The following KIF21A variants were observed in gnomAD, a reference collection of about 807,000 sequenced individuals.
KIF21A encodes kinesin family member 21A.
A neutral mutation model predicts 202.9 loss-of-function variants in KIF21A; 114 were observed. The ratio of observed to expected loss-of-function variants is 0.56; its 90% CI spans 0.48 to 0.66. The LOEUF (loss-of-function observed/expected upper bound fraction) is 0.66. Among genes scored for constraint, KIF21A ranks in the 30% least tolerant of loss-of-function variants. The pLI, the probability that KIF21A is intolerant of heterozygous loss-of-function variation, is 0.00. For synonymous variants in KIF21A, 667 were observed against 670.8 expected (o/e 0.99, Z 0.09); for missense variants, 1,677 against 1,994.9 (o/e 0.84, Z 3.04).
chr12:39,349,487 G>A (rs1351308969), intron 11 of KIF21A, among the ~76,000 whole-genome samples: 1 of 152,030 alleles, frequency 6.6e-6, no homozygotes, highest in East Asian at 1.9e-4. Context: ...CCAAACAGGA[G>A]CTATCACTTC....
At chr12:39,318,242 G>C (rs758487867) in intron 28 of KIF21A, 41 bp from the exon 29 acceptor site, 3 of 1,590,382 alleles carry the variant, frequency 1.9e-6, no homozygotes, top group East Asian at 2.3e-5. Context: ...GCTTTAATTG[G>C]TTATGATTTG....
intron 1 of KIF21A, among the ~76,000 whole-genome samples, chr12:39,384,061 G>A (rs1314149232): frequency 2.0e-5 from 3 of 152,112 alleles, no homozygotes; most frequent in Non-Finnish European, 4.4e-5. Context: ...ATCAGCCCAA[G>A]TAAGAACAGG....
chr12:39,366,587 C>T (rs533122162), intron 5 of KIF21A, 70 bp from the exon 6 acceptor site: 87 of 1,184,366 alleles, frequency 7.3e-5, no homozygotes, highest in Non-Finnish European at 9.6e-5. Flanking sequence ...ACCTACCTTG[C>T]GCTTATCCCA....
chr12:39,357,491 G>A (rs1365563015), intron 8 of KIF21A, 54 bp from the exon 9 acceptor site: 2 of 1,464,290 alleles, frequency 1.4e-6, no homozygotes, highest in Non-Finnish European at 1.9e-6. Flanking sequence ...AAACACAAGA[G>A]TTTTGCTTAA....
chr12:39,434,655 T>C (rs922614493), intron 1 of KIF21A, among the ~76,000 whole-genome samples: 1 of 152,206 alleles, frequency 6.6e-6, no homozygotes, highest in Non-Finnish European at 1.5e-5. Context: ...ATTACTTTAA[T>C]GCCTCCAGCT....
chr12:39,419,402 A>G (rs978818874), intron 1 of KIF21A, among the ~76,000 whole-genome samples: 2 of 152,196 alleles, frequency 1.3e-5, no homozygotes, highest in Admixed American at 1.3e-4. Context: ...TTCCATTCCT[A>G]TAGTGTAAAC....
chr12:39,382,760 A>C (rs912197852), intron 1 of KIF21A, among the ~76,000 whole-genome samples: 8 of 152,134 alleles, frequency 5.3e-5, no homozygotes, highest in African/African-American at 1.2e-4. Context: ...CCCCCCTCCC[A>C]AAAAAACAAT....
chr12:39,331,917 T>G (rs1295170991), intron 21 of KIF21A, 126 bp from the exon 22 acceptor site: 2 of 778,824 alleles, frequency 2.6e-6, no homozygotes, highest in Non-Finnish European at 4.5e-6. Flanking sequence ...ATAAGTGCAA[T>G]ATATGATCAT....
intron 1 of KIF21A, among the ~76,000 whole-genome samples, chr12:39,407,467 A>C (rs192238152): frequency 6.6e-6 from 1 of 152,320 alleles, no homozygotes; most frequent in East Asian, 1.9e-4. Context: ...ACTGTCAAAG[A>C]CATTAACAAC....
chr12:39,343,268 G>A (rs1440996300), intron 12 of KIF21A, among the ~76,000 whole-genome samples: 2 of 152,040 alleles, frequency 1.3e-5, no homozygotes, highest in African/African-American at 2.4e-5. Flanking sequence ...GCTGGGGCAG[G>A]AGAATCGCTT....
In KIF21A at chr12:39,304,837, T is replaced by C; in HGVS notation, c.4544A>G (p.Lys1515Arg). Reference protein sequence around the residue: ...SGQDLIITGSKDHYIKMFDVT... With the variant: ...SGQDLIITGSRDHYIKMFDVT... ...TATACATACTTTGATGTAATGATCC[T>C]TGGAGCCAGTGATGATTAGATCTTG... The change falls in exon 35 of 38, where the codon AAG (lysine) becomes AGG (arginine). Residue 1515 changes from lysine to arginine, a missense_variant. Physicochemically the swap from Lys to Arg is conservative, Grantham distance 26. Coordinates refer to ENST00000361418, the MANE Select transcript of KIF21A (RefSeq NM_001173464.2). 6.4e-7 allele frequency: 1 copy of C among 1,558,650 alleles called. No homozygotes were observed. The highest frequency in any genetic ancestry group is 1.7e-5 in the Admixed American group (1 of 59,814).
intron 7 of KIF21A, among the ~76,000 whole-genome samples, chr12:39,362,630 G>A (rs1489214164): frequency 6.6e-6 from 1 of 151,622 alleles, no homozygotes; most frequent in African/African-American, 2.4e-5. Context: ...ATTTTTCCAC[G>A]TATAAAAAAA....
intron 1 of KIF21A, among the ~76,000 whole-genome samples, chr12:39,377,404 T>A (rs970198341): frequency 3.3e-5 from 5 of 152,170 alleles, no homozygotes; most frequent in African/African-American, 7.2e-5. Context: ...ACTGAGCCAC[T>A]GGGGTTTCTG....
At chr12:39,336,984 T>C in intron 17 of KIF21A, 112 bp downstream of exon 17, 1 of 712,750 alleles carries the variant, frequency 1.4e-6, no homozygotes, top group East Asian at 2.7e-5. Flanking sequence ...TTATCTATTG[T>C]CCTTAACCTG....
At chr12:39,361,596 C>CCGCCTT (rs1949227022) in intron 7 of KIF21A, among the ~76,000 whole-genome samples, 1 of 52,458 alleles carries the variant, frequency 1.9e-5, no homozygotes, top group African/African-American at 1.5e-4. Context: ...ATCTCCGCCT[C>CCGCCTT]CTGGGTTCAC....
chr12:39,314,525 A>G (rs1592087574), intron 31 of KIF21A, among the ~76,000 whole-genome samples: 1 of 151,924 alleles, frequency 6.6e-6, no homozygotes, highest in African/African-American at 2.4e-5. Flanking sequence ...ATATGTATAT[A>G]TAGGTCAAAA....
intron 37 of KIF21A, among the ~76,000 whole-genome samples, chr12:39,296,225 T>C (rs1296573087): frequency 2.0e-5 from 3 of 151,586 alleles, no homozygotes; most frequent in Non-Finnish European, 4.4e-5. Context: ...CCCACCACCA[T>C]GGCTGGCTAA....
intron 29 of KIF21A, 106 bp downstream of exon 29, chr12:39,317,967 C>A (rs1944752830): frequency 8.5e-7 from 1 of 1,172,732 alleles, no homozygotes; most frequent in Non-Finnish European, 1.3e-6. Context: ...GTTCACACGT[C>A]AGGCTCCATC....
At chr12:39,435,678 C>T (rs1938588598) in intron 1 of KIF21A, among the ~76,000 whole-genome samples, 1 of 151,740 alleles carries the variant, frequency 6.6e-6, no homozygotes. Flanking sequence ...CCACCCCACA[C>T]TCCAGCCACC....
Sources: gnomAD v4.1 joint callset for allele counts (sites outside exome capture counted in the v4.1 genomes callset) on GRCh38, gnomAD v4.1.1 for gene constraint, MANE v1.5 for transcripts, NCBI Gene and HGNC (gene_info 2026-07-23, HGNC 2026-07-21) for gene names.